AEBP2: variants seen among roughly 807,000 people sequenced by gnomAD.
AEBP2 encodes zinc finger protein AEBP2.
AEBP2 carries 10 observed loss-of-function variants against 50.8 expected under a neutral mutation model. That is an observed-to-expected ratio of 0.20 (90% confidence interval 0.12 to 0.33). AEBP2 has a LOEUF of 0.33. Among genes scored for constraint, AEBP2 ranks in the 10% least tolerant of loss-of-function variants. AEBP2 has a pLI of 1.00. For missense variants in AEBP2, 570 were observed against 688.0 expected (o/e 0.83, Z 1.92); for synonymous variants, 296 against 261.3 (o/e 1.13, Z -1.28).
At chr12:19,480,454 A>G (rs1948710067) in intron 3 of AEBP2, among the ~76,000 whole-genome samples, 2 of 152,120 alleles carry the variant, frequency 1.3e-5, no homozygotes, top group Admixed American at 1.3e-4. Flanking sequence ...AAGATTTAGA[A>G]CTTCTTTTAG....
intron 6 of AEBP2, among the ~76,000 whole-genome samples, chr12:19,513,945 CTT>C (rs558871495): frequency 2.8e-4 from 20 of 70,384 alleles, no homozygotes; most frequent in African/African-American, 6.9e-4. Context: ...TTATTTATTT[CTT>C]TTTTTTTTTT....
intron 1 of AEBP2, among the ~76,000 whole-genome samples, chr12:19,421,359 A>C (rs902522369): frequency 0.022 from 3,285 of 151,252 alleles, 48 homozygotes; most frequent in East Asian, 0.045. Flanking sequence ...AAAAAAAAAA[A>C]AAAAAAAGAA....
intron 1 of AEBP2, among the ~76,000 whole-genome samples, chr12:19,425,419 G>A (rs567991338): frequency 1.1e-4 from 17 of 152,046 alleles, no homozygotes; most frequent in Non-Finnish European, 1.9e-4. Context: ...GGCCAGGCAC[G>A]GTGGCTCATG....
At chr12:19,443,372 C>T (rs921422343) in intron 1 of AEBP2, among the ~76,000 whole-genome samples, 1 of 149,810 alleles carries the variant, frequency 6.7e-6, no homozygotes, top group Non-Finnish European at 1.5e-5. Context: ...GCTGGGATTA[C>T]AGGAGTGAGC....
chr12:19,445,383 T>C (rs1948042433), intron 1 of AEBP2, among the ~76,000 whole-genome samples: 1 of 151,130 alleles, frequency 6.6e-6, no homozygotes. Context: ...TTTTTTTTTT[T>C]TTTTGTATTT....
At position 19,440,361 on chromosome 12, in the gene AEBP2, C is replaced by G. The variant is rs1947930006; in HGVS notation, c.662C>G (p.Ser221Trp). ...SDGEPLSRMD[S>W]EDSISSTIMD... is the part of the protein sequence containing the mutation. Reference sequence around the variant, plus strand: ...GGGGAACCCCTGAGCCGCATGGACTCGGAGGACAGGTCAGTGCTCTGAAGC... The same window carrying G: ...GGGGAACCCCTGAGCCGCATGGACTGGGAGGACAGGTCAGTGCTCTGAAGC... The change falls in exon 1 of 8, where the codon TCG (serine) becomes TGG (tryptophan). Residue 221 changes from serine (S) to tryptophan (W), a missense_variant. Ser to Trp is a radical substitution (Grantham distance 177). Transcript: ENST00000266508. The G allele has an allele frequency of 6.8e-7, 1 of 1,470,136 alleles. No individual in the cohort carries two copies. Among genetic ancestry groups the G allele is most frequent in the African/African-American group, 1.4e-5 (1 of 69,100 alleles). The allele number at this position is 1,470,136 out of a possible 1,614,324, so 91.1% of individuals were successfully genotyped here.
chr12:19,464,440 A>C (rs1948434952), intron 2 of AEBP2, among the ~76,000 whole-genome samples: 1 of 152,078 alleles, frequency 6.6e-6, no homozygotes, highest in South Asian at 2.1e-4. Flanking sequence ...GATGTGGGAG[A>C]GGGAGAATTT....
intron 5 of AEBP2, among the ~76,000 whole-genome samples, chr12:19,508,265 T>C (rs1317380187): frequency 1.3e-5 from 2 of 152,192 alleles, no homozygotes; most frequent in African/African-American, 4.8e-5. Context: ...TTCACCATGT[T>C]GTCCAGGCTG....
intron 5 of AEBP2, among the ~76,000 whole-genome samples, chr12:19,505,388 A>C (rs1336566046): frequency 1.3e-5 from 2 of 152,232 alleles, no homozygotes; most frequent in African/African-American, 4.8e-5. Context: ...GTACTAATGT[A>C]ATGACATAGC....
upstream of AEBP2, among the ~76,000 whole-genome samples, chr12:19,438,484 T>G (rs924569844): frequency 7.9e-5 from 12 of 152,192 alleles, no homozygotes; most frequent in Non-Finnish European, 1.5e-5. Flanking sequence ...ATCCATCCAC[T>G]GAAGGTCATA....
intron 4 of AEBP2, among the ~76,000 whole-genome samples, chr12:19,499,615 T>TA (rs59023233): frequency 5.3e-4 from 78 of 146,106 alleles, no homozygotes; most frequent in South Asian, 5.0e-3. Context: ...CTCTGTCTCT[T>TA]AAAAAAAAAA....
intron 5 of AEBP2, 107 bp from the exon 6 acceptor site, chr12:19,512,291 A>C: frequency 1.6e-6 from 1 of 640,092 alleles, no homozygotes; most frequent in South Asian, 2.2e-5. Context: ...AAGTGCTGGG[A>C]TTACAGGCAT....
At chr12:19,442,051 G>A (rs780800354) in intron 1 of AEBP2, among the ~76,000 whole-genome samples, 8 of 152,108 alleles carry the variant, frequency 5.3e-5, no homozygotes, top group Non-Finnish European at 8.8e-5. Flanking sequence ...ATGGTGGGCT[G>A]GATATGAGCA....
intron 1 of AEBP2, among the ~76,000 whole-genome samples, chr12:19,426,340 A>G (rs2095748561): frequency 1.3e-5 from 2 of 152,334 alleles, no homozygotes; most frequent in South Asian, 4.1e-4. Flanking sequence ...ACAGCACCTA[A>G]AAGGACAGAG....
intron 2 of AEBP2, among the ~76,000 whole-genome samples, chr12:19,470,279 T>G (rs1948550375): frequency 6.6e-6 from 1 of 152,066 alleles, no homozygotes; most frequent in South Asian, 2.1e-4. Context: ...TGCCTCAGCC[T>G]CCTGAGTAGC....
chr12:19,443,161 A>T (rs1004175800), intron 1 of AEBP2, among the ~76,000 whole-genome samples: 1 of 150,688 alleles, frequency 6.6e-6, no homozygotes, highest in Non-Finnish European at 1.5e-5. Flanking sequence ...CAGTGGTACG[A>T]TCTCGGCTCA....
In AEBP2 at chr12:19,444,929, C is replaced by G. The variant is rs1419678245; in HGVS notation, c.671+4559C>G. Among the ~76,000 whole-genome samples, 4 of 152,260 alleles carry G rather than the reference C, an allele frequency of 2.6e-5. No homozygotes were observed. In the East Asian group the frequency reaches 7.7e-4, roughly 29 times the overall value. ...ATTTATTTTGAGACAGAGTCTTGCT[C>G]TGTCACGCAGGCTGGAGTGCAGTGG... is the stretch of plus-strand genomic sequence containing the variant. On this transcript the variant is annotated intron_variant, in intron 1 of 7. Coordinates refer to ENST00000266508, the MANE Select transcript of AEBP2 (RefSeq NM_153207.5).
chr12:19,406,221 T>C (rs939938675), intron 1 of AEBP2, among the ~76,000 whole-genome samples: 2 of 151,926 alleles, frequency 1.3e-5, no homozygotes, highest in Admixed American at 1.3e-4. Context: ...TGCCTAGGGC[T>C]CCCAAAGTGC....
chr12:19,421,814 G>A (rs2095745969), intron 1 of AEBP2, among the ~76,000 whole-genome samples: 1 of 152,138 alleles, frequency 6.6e-6, no homozygotes, highest in Admixed American at 6.6e-5. Context: ...AACTCACACA[G>A]TAGAATTTAC....
Sources: allele counts gnomAD v4.1 joint callset (sites outside exome capture counted in the v4.1 genomes callset), GRCh38; gene constraint gnomAD v4.1.1; transcripts MANE v1.5; gene names NCBI Gene and HGNC (gene_info 2026-07-23, HGNC 2026-07-21).